The following PPAT variants were observed in gnomAD, a reference collection of about 807,000 sequenced individuals.
PPAT encodes the protein phosphoribosyl pyrophosphate amidotransferase, also known as amidophosphoribosyltransferase.
Under a neutral mutation model 60.2 loss-of-function variants are expected in PPAT, and 20 were observed. The observed-to-expected ratio is 0.33, with a 90% CI of 0.23 to 0.48. The LOEUF is 0.48. Among genes scored for constraint, PPAT ranks in the 20% least tolerant of loss-of-function variants. PPAT has a pLI of 0.99. For synonymous variants in PPAT, 194 were observed against 215.1 expected (o/e 0.90, Z 0.86); for missense variants, 349 against 629.6 (o/e 0.55, Z 4.77).
At chr4:56,402,051 T>TA in intron 6 of PPAT, 58 bp downstream of exon 6, 38 of 1,344,338 alleles carry the variant, frequency 2.8e-5, no homozygotes, top group South Asian at 8.3e-5. Context: ...AGAAACTGTC[T>TA]AAAAAAAATT....
rs1207372389 is a variant in PPAT at position 56,403,085 on chromosome 4, A to T, written c.616T>A (p.Leu206Ile). Residue 206 changes from leucine to isoleucine, a missense_variant, in exon 5 of 11, where the codon TTA becomes ATA. Leu to Ile is a conservative substitution (Grantham distance 5). Transcript: ENST00000264220. ...AVRDPYGNRP[L>I]CIGRLIPVSD... ...ACTGGAATAAGACGACCAATGCATA[A>T]GGGACGATTTCCATAAGGATCTCGT... is the stretch of plus-strand genomic sequence containing the variant. The T allele has an allele frequency of 1.2e-6, 2 of 1,612,908 alleles. No individual in the cohort carries two copies. The highest frequency in any genetic ancestry group is 2.2e-5 in the East Asian group (1 of 44,842).
intron 1 of PPAT, among the ~76,000 whole-genome samples, chr4:56,408,709 G>T (rs1304305143): frequency 1.4e-5 from 2 of 147,570 alleles, no homozygotes; most frequent in African/African-American, 5.0e-5. Context: ...AGCTGAGATC[G>T]CGCCACTGCA....
chr4:56,435,582 A>G lies in PPAT; in HGVS notation c.-105T>C. 1 of 1,577,140 alleles carries G rather than the reference A, an allele frequency of 6.3e-7. No individual in the cohort carries two copies. Among genetic ancestry groups the G allele is most frequent in the Non-Finnish European group, 8.6e-7 (1 of 1,158,338 alleles). On this transcript the variant is annotated 5_prime_UTR_variant, in exon 1 of 11. Transcript: ENST00000264220. ...GAGCTCAGAAGCTCGCGCTCGCGACAGGCTCTTCCTTCCCGAGGGTGGCCC... is the reference window on the plus strand; with the variant it reads ...GAGCTCAGAAGCTCGCGCTCGCGACGGGCTCTTCCTTCCCGAGGGTGGCCC...
rs1487390040 is a variant in PPAT at position 56,396,549 on chromosome 4, G to C, written c.1357+70C>G. 1 of 1,419,176 alleles carries C rather than the reference G, an allele frequency of 7.0e-7. No homozygotes were observed. The highest frequency in any genetic ancestry group is 9.7e-7 in the Non-Finnish European group (1 of 1,027,896). 87.9% of individuals were successfully genotyped at this position (1,419,176 alleles called of 1,614,324 possible). ...ACACTGAATACTCCTTTTTACTAAA[G>C]GTGTAAAGACTGTCAAGCTTTGGAT... is the stretch of plus-strand genomic sequence containing the variant. On this transcript the variant is annotated intron_variant, in intron 10 of 10. Coordinates refer to ENST00000264220, the MANE Select transcript of PPAT (RefSeq NM_002703.5). The surrounding 1 kb of genome is among the most constrained non-coding windows in gnomAD (Gnocchi z 4.6).
At chr4:56,404,154 G>C in intron 3 of PPAT, 1 of 343,294 alleles carries the variant, frequency 2.9e-6, no homozygotes, top group South Asian at 2.2e-5. Flanking sequence ...TGTGCTTTAT[G>C]AGATGTACAG....
chr4:56,402,221 ATTT>A (rs1716130156), intron 5 of PPAT, 40 bp from the exon 6 acceptor site: 63 of 1,466,012 alleles, frequency 4.3e-5, no homozygotes, highest in Non-Finnish European at 6.0e-5. Flanking sequence ...GATTCCAGAA[ATTT>A]TAAGAGGCTA....
In PPAT at chr4:56,396,455, A is replaced by C; in HGVS notation, c.1357+164T>G. 1 of 612,124 alleles carries C rather than the reference A, an allele frequency of 1.6e-6. No individual in the cohort carries two copies. Among genetic ancestry groups the C allele is most frequent in the Non-Finnish European group, 2.6e-6 (1 of 388,624 alleles). The allele number at this position is 612,124 out of a possible 1,614,324, so 37.9% of individuals were successfully genotyped here. A position where few individuals can be genotyped will look rare whatever the true frequency, so the allele number is the denominator to read the frequency against. On this transcript the variant is annotated intron_variant, in intron 10 of 10. Transcript: ENST00000264220. The surrounding 1 kb of genome is among the most constrained non-coding windows in gnomAD (Gnocchi z 4.6). ...ACACAAGACTCTGTGGTGTCTGCCC[A>C]TGCCCACTACTCTCACTGTTGAGAA... is the stretch of plus-strand genomic sequence containing the variant.
rs769882717 is a variant in PPAT, at chr4:56,401,334, G to A, written c.882C>T (p.Phe294=). 17 of 1,574,852 alleles carry A rather than the reference G, an allele frequency of 1.1e-5. No individual in the cohort carries two copies. Among genetic ancestry groups the A allele is most frequent in the Non-Finnish European group, 1.3e-5 (15 of 1,162,604 alleles). ...YVYFARPDSM[F]EDQMVYTVRY... Reference sequence around the variant, plus strand: ...AAAGAAAAGAAATCTACTTACCTTCGAACATACTGTCTGGTCTTGCAAAAT... The same window carrying A: ...AAAGAAAAGAAATCTACTTACCTTCAAACATACTGTCTGGTCTTGCAAAAT... The change falls in exon 7 of 11, where the codon TTC becomes TTT. Residue 294 remains phenylalanine (F), a synonymous_variant. Coordinates refer to ENST00000264220, the MANE Select transcript of PPAT (RefSeq NM_002703.5).
chr4:56,435,596 C>T lies in PPAT; in HGVS notation c.-119G>A, dbSNP rs1167457222. On this transcript the variant is annotated 5_prime_UTR_variant, in exon 1 of 11. Coordinates refer to ENST00000264220, the MANE Select transcript of PPAT (RefSeq NM_002703.5). ...GCGCTCGCGACAGGCTCTTCCTTCC[C>T]GAGGGTGGCCCCAGCTACTGCGGCG... 5 of 1,547,402 alleles carry T rather than the reference C, an allele frequency of 3.2e-6. No homozygotes were observed. Among genetic ancestry groups the T allele is most frequent in the Non-Finnish European group, 4.4e-6 (5 of 1,141,472 alleles).
At chr4:56,418,273 A>G (rs1716873022) in intron 1 of PPAT, among the ~76,000 whole-genome samples, 1 of 152,160 alleles carries the variant, frequency 6.6e-6, no homozygotes, top group Non-Finnish European at 1.5e-5. Flanking sequence ...ACTACACTCT[A>G]GCTTGGTGAA....
chr4:56,432,874 A>C lies in PPAT; in HGVS notation c.128+2476T>G, dbSNP rs182931421. On this transcript the variant is annotated intron_variant, in intron 1 of 10. Coordinates refer to ENST00000264220, the MANE Select transcript of PPAT (RefSeq NM_002703.5). Reference sequence around the variant, plus strand: ...AAAAAACACAATCAAACCTTTTTGCAGTTGTTTTAAAACTAACCAGTGAGT... The same window carrying C: ...AAAAAACACAATCAAACCTTTTTGCCGTTGTTTTAAAACTAACCAGTGAGT... Among the ~76,000 whole-genome samples, 21 of 151,664 alleles carry C rather than the reference A, an allele frequency of 1.4e-4. No homozygotes were observed. The East Asian group carries it at 3.9e-3, about 28-fold the overall frequency.
At chr4:56,417,921 A>ATCCTGCCT (rs1242909149) in intron 1 of PPAT, among the ~76,000 whole-genome samples, 3 of 150,002 alleles carry the variant, frequency 2.0e-5, no homozygotes, top group Non-Finnish European at 3.0e-5. Flanking sequence ...GCTCACTGCA[A>ATCCTGCCT]TCCTGCCTCC....
At position 56,435,388 on chromosome 4, in the gene PPAT, C is replaced by A. The variant is rs1444275293; in HGVS notation, c.90G>T (p.Pro30=). Residue 30 remains proline (P), a synonymous_variant, in exon 1 of 11, where the codon CCG becomes CCT. Transcript: ENST00000264220. ...SGEWPTQLDV[P]HVITLGLVGL... ...CCACGAGTCCCAGAGTGATCACATG[C>A]GGTACATCCAGCTGCGTGGGCCACT... 1 of 1,613,720 alleles carries A rather than the reference C, an allele frequency of 6.2e-7. No homozygotes were observed. Among genetic ancestry groups the A allele is most frequent in the Admixed American group, 1.7e-5 (1 of 59,986 alleles).
At chr4:56,398,102 C>T (rs1716024918) in intron 9 of PPAT, among the ~76,000 whole-genome samples, 1 of 152,118 alleles carries the variant, frequency 6.6e-6, no homozygotes, top group African/African-American at 2.4e-5. Context: ...GGCACGATGG[C>T]TCACGTCTGT....
At chr4:56,410,839 T>C (rs1307735548) in intron 1 of PPAT, 1 of 963,908 alleles carries the variant, frequency 1.0e-6, no homozygotes, top group Non-Finnish European at 1.2e-6. Context: ...CAGAGGAAGA[T>C]GCAAATGGCA....
intron 1 of PPAT, chr4:56,419,953 G>C (rs1488857873): frequency 1.0e-6 from 1 of 983,832 alleles, no homozygotes; most frequent in African/African-American, 1.7e-5. Context: ...GCTATTCTGG[G>C]ACCCAATAAA....
intron 1 of PPAT, chr4:56,410,931 A>C: frequency 1.1e-6 from 1 of 938,258 alleles, no homozygotes; most frequent in Non-Finnish European, 1.3e-6. Flanking sequence ...AAAAAAAAGA[A>C]AAGTACTCTT....
chr4:56,425,497 G>A (rs1717240732), intron 1 of PPAT: 3 of 351,042 alleles, frequency 8.5e-6, no homozygotes, highest in South Asian at 2.3e-4. Context: ...TGTTTATTAT[G>A]AAGTCATGAT....
chr4:56,417,384 T>A (rs959048525), intron 1 of PPAT, among the ~76,000 whole-genome samples: 3 of 152,104 alleles, frequency 2.0e-5, no homozygotes, highest in African/African-American at 4.8e-5. Flanking sequence ...TTTAATGACT[T>A]AAAACTCATG....
Sources: gnomAD v4.1 joint callset for allele counts (sites outside exome capture counted in the v4.1 genomes callset) on GRCh38, gnomAD v4.1.1 for gene constraint, Gnocchi (gnomAD v3.1) non-coding constraint, MANE v1.5 for transcripts, NCBI Gene and HGNC (gene_info 2026-07-23, HGNC 2026-07-21) for gene names.